DIXDC1: variants seen among roughly 807,000 people sequenced by gnomAD.
DIXDC1 encodes dixin.
Under a neutral mutation model 103.1 loss-of-function variants are expected in DIXDC1, and 64 were observed. The ratio of observed to expected loss-of-function variants is 0.62; its 90% CI spans 0.51 to 0.76. The LOEUF is 0.76. Ranked by LOEUF, DIXDC1 falls within the 30% of genes least tolerant of loss-of-function variation. DIXDC1 has a pLI of 0.00. For missense variants in DIXDC1, 759 were observed against 834.2 expected (o/e 0.91, Z 1.11); for synonymous variants, 266 against 298.5 (o/e 0.89, Z 1.12).
intron 1 of DIXDC1, among the ~76,000 whole-genome samples, chr11:111,962,928 T>C (rs1859627423): frequency 6.6e-6 from 1 of 152,170 alleles, no homozygotes. Context: ...TCTCATCTGG[T>C]CCCTGGTGAT....
chr11:112,012,625 T>C (rs1326131036), intron 17 of DIXDC1, among the ~76,000 whole-genome samples: 1 of 152,248 alleles, frequency 6.6e-6, no homozygotes, highest in Non-Finnish European at 1.5e-5. Flanking sequence ...TTCAAAATCA[T>C]GTATTAAATT....
At chr11:111,993,633 A>G (rs371376950) in intron 13 of DIXDC1, 36 bp from the exon 14 acceptor site, 21 of 1,613,910 alleles carry the variant, frequency 1.3e-5, no homozygotes, top group Non-Finnish European at 1.8e-5. Context: ...CTTTGGCCCA[A>G]AGAAATCATT....
chr11:111,983,057 C>T (rs188505923), intron 7 of DIXDC1, among the ~76,000 whole-genome samples: 266 of 152,292 alleles, frequency 1.7e-3, no homozygotes, highest in African/African-American at 5.7e-3. Context: ...CAAATCTACC[C>T]GAGACTGACC....
chr11:111,988,195 G>A lies in DIXDC1; in HGVS notation c.1063-810G>A, dbSNP rs148713270. The stretch of plus-strand genomic sequence containing the variant: ...TGTGTTTTTTGTATAGATTGCTCTC[G>A]CCTTGTTGCCTAGGCTGGTCTTGAA... On this transcript the variant is annotated intron_variant, in intron 9 of 19. Transcript: ENST00000440460. Among the ~76,000 whole-genome samples, 69 of 151,524 alleles carry A rather than the reference G, an allele frequency of 4.6e-4. 1 individual carries two copies. Among genetic ancestry groups the A allele is most frequent in the African/African-American group, 1.6e-3 (68 of 41,270 alleles).
intron 5 of DIXDC1, chr11:111,975,205 C>T: frequency 1.5e-6 from 2 of 1,344,048 alleles, no homozygotes; most frequent in African/African-American, 1.5e-5. Flanking sequence ...GGAATCTGTG[C>T]AGTCCCAGTG....
intron 10 of DIXDC1, among the ~76,000 whole-genome samples, chr11:111,990,012 C>G (rs1455954809): frequency 2.6e-5 from 4 of 151,246 alleles, no homozygotes; most frequent in Non-Finnish European, 5.9e-5. Context: ...GGATGGTCTC[C>G]ATCTCCTGAC....
At chr11:111,957,222 C>A (rs1198885560) in intron 1 of DIXDC1, among the ~76,000 whole-genome samples, 2 of 151,878 alleles carry the variant, frequency 1.3e-5, no homozygotes, top group African/African-American at 4.8e-5. Context: ...CTCTTCCTCA[C>A]AGTTGGAATT....
chr11:111,953,351 AC>A (rs1966848749), intron 1 of DIXDC1, among the ~76,000 whole-genome samples: 4 of 152,016 alleles, frequency 2.6e-5, no homozygotes, highest in Admixed American at 2.0e-4. Flanking sequence ...ATTAAAATCA[AC>A]CAGGCCGGGC....
chr11:112,013,051 G>T (rs778272312), intron 17 of DIXDC1, among the ~76,000 whole-genome samples: 78 of 152,208 alleles, frequency 5.1e-4, no homozygotes, highest in Non-Finnish European at 1.1e-3. Flanking sequence ...TTTTCTCACA[G>T]TTCTGGAGGC....
intron 5 of DIXDC1, chr11:111,975,907 TTTACC>T (rs1860081713): frequency 1.0e-6 from 1 of 965,068 alleles, no homozygotes; most frequent in East Asian, 1.1e-4. Context: ...TTGCTAACTT[TTTACC>T]TTTTTTACAT....
At chr11:111,955,861 A>AAT (rs1859339102) in intron 1 of DIXDC1, among the ~76,000 whole-genome samples, 1 of 148,660 alleles carries the variant, frequency 6.7e-6, no homozygotes, top group Non-Finnish European at 1.5e-5. Flanking sequence ...AAAAAAAAAA[A>AAT]GATCTTGAAG....
intron 1 of DIXDC1, among the ~76,000 whole-genome samples, chr11:111,927,590 C>T (rs924106309): frequency 1.3e-5 from 2 of 152,110 alleles, no homozygotes; most frequent in African/African-American, 4.8e-5. Context: ...AGGGGTAACG[C>T]ACTCCCCTTT....
At chr11:111,932,224 A>T (rs1414478656) in intron 2 of DIXDC1, among the ~76,000 whole-genome samples, 1 of 150,050 alleles carries the variant, frequency 6.7e-6, no homozygotes, top group African/African-American at 2.5e-5. Flanking sequence ...TTTGGTAGAG[A>T]TGGGGTTTCA....
intron 14 of DIXDC1, among the ~76,000 whole-genome samples, chr11:111,994,766 C>T (rs985114060): frequency 6.6e-6 from 1 of 151,994 alleles, no homozygotes; most frequent in African/African-American, 2.4e-5. Flanking sequence ...GTTGGGGCCT[C>T]CAGGTGGAGG....
Position 111,970,585 on chromosome 11 carries a change from G to C in DIXDC1, c.316+1947G>C, listed in dbSNP as rs192736522. On this transcript the variant is annotated intron_variant, in intron 3 of 19. Transcript: ENST00000440460. Reference sequence around the variant, plus strand: ...GCTGAGACAGGAGAATAGCTTGAAAGCAGGAGGCCGAGGTTCCAGTGAGCC... The same window carrying C: ...GCTGAGACAGGAGAATAGCTTGAAACCAGGAGGCCGAGGTTCCAGTGAGCC... Among the ~76,000 whole-genome samples, 48 of 151,664 alleles carry C rather than the reference G, an allele frequency of 3.2e-4. 1 individual carries two copies. The highest frequency in any genetic ancestry group is 1.0e-3 in the African/African-American group (43 of 41,344).
intron 17 of DIXDC1, among the ~76,000 whole-genome samples, chr11:112,003,598 A>C (rs1178639375): frequency 6.6e-6 from 1 of 152,122 alleles, no homozygotes; most frequent in African/African-American, 2.4e-5. Context: ...TAGGGGTTCA[A>C]GACCAGCCTG....
chr11:112,010,094 G>A (rs777868761), intron 17 of DIXDC1, among the ~76,000 whole-genome samples: 243 of 152,054 alleles, frequency 1.6e-3, no homozygotes, highest in Non-Finnish European at 2.9e-3. Context: ...AAGCTGATAA[G>A]CAACTTCAGC....
chr11:111,939,748 T>C (rs1451779215), intron 1 of DIXDC1, among the ~76,000 whole-genome samples: 1 of 152,236 alleles, frequency 6.6e-6, no homozygotes, highest in African/African-American at 2.4e-5. Context: ...ATAGTGTAAT[T>C]GGTTATTTTA....
At position 111,976,623 on chromosome 11, in the gene DIXDC1, C is replaced by T. The variant is rs895280222; in HGVS notation, c.656+1640C>T. 6.6e-6 allele frequency among the ~76,000 whole-genome samples: 1 copy of T among 152,088 alleles called. No homozygotes were observed. The highest frequency in any genetic ancestry group is 2.4e-5 in the African/African-American group (1 of 41,406). On this transcript the variant is annotated intron_variant, in intron 5 of 19. Transcript: ENST00000440460. The surrounding 1 kb of genome is among the most constrained non-coding windows in gnomAD (Gnocchi z 4.3). ...TTCTGAGCCCTCGCCCCCAGGGAGCCCACTTAGTGGCTCTGTGACCCATGA... is the reference window on the plus strand; with the variant it reads ...TTCTGAGCCCTCGCCCCCAGGGAGCTCACTTAGTGGCTCTGTGACCCATGA...
Sources: gnomAD v4.1 joint callset for allele counts (sites outside exome capture counted in the v4.1 genomes callset) on GRCh38, gnomAD v4.1.1 for gene constraint, Gnocchi (gnomAD v3.1) non-coding constraint, MANE v1.5 for transcripts, NCBI Gene and HGNC (gene_info 2026-07-23, HGNC 2026-07-21) for gene names.